CAPZA1: variants seen among roughly 807,000 people sequenced by gnomAD.
CAPZA1 encodes F-actin-capping protein subunit alpha-1.
In CAPZA1, 10 loss-of-function variants were observed where a neutral mutation model predicts 40.8. The observed-to-expected ratio is 0.25, with a 90% CI of 0.15 to 0.42. The LOEUF (loss-of-function observed/expected upper bound fraction) is 0.42, where lower values mean the gene tolerates loss of function less well. Among genes scored for constraint, CAPZA1 ranks in the 10% least tolerant of loss-of-function variants. The pLI is 1.00. For missense variants in CAPZA1, 277 were observed against 353.8 expected (o/e 0.78, Z 1.74); for synonymous variants, 98 against 115.0 (o/e 0.85, Z 0.95).
At chr1:112,663,716 G>T (rs1472806584) in intron 7 of CAPZA1, among the ~76,000 whole-genome samples, 2 of 151,642 alleles carry the variant, frequency 1.3e-5, no homozygotes, top group Non-Finnish European at 2.9e-5. Flanking sequence ...TGTTGGTCAG[G>T]CTGGTCTCGA....
At chr1:112,633,807 A>G (rs936500629) in intron 1 of CAPZA1, among the ~76,000 whole-genome samples, 2 of 151,974 alleles carry the variant, frequency 1.3e-5, no homozygotes, top group African/African-American at 4.8e-5. Context: ...GTGATATCTC[A>G]TTGTGGTTTT....
At chr1:112,655,556 T>G (rs1369653229) in intron 5 of CAPZA1, among the ~76,000 whole-genome samples, 1 of 151,958 alleles carries the variant, frequency 6.6e-6, no homozygotes, top group African/African-American at 2.4e-5. Context: ...TTTTTGCTGT[T>G]GTTGTTGTTG....
intron 7 of CAPZA1, among the ~76,000 whole-genome samples, chr1:112,660,026 T>C (rs1218414643): frequency 6.6e-6 from 1 of 151,830 alleles, no homozygotes; most frequent in Non-Finnish European, 1.5e-5. Flanking sequence ...ACATAAGATA[T>C]AACTAGGAAT....
intron 1 of CAPZA1, chr1:112,634,912 A>G (rs1670986654): frequency 6.6e-6 from 1 of 152,200 alleles, no homozygotes. Context: ...CCATTTTGCC[A>G]TAGTACCTCA....
At chr1:112,643,056 A>G (rs916720942) in intron 1 of CAPZA1, among the ~76,000 whole-genome samples, 2 of 151,932 alleles carry the variant, frequency 1.3e-5, no homozygotes, top group African/African-American at 4.8e-5. Context: ...GAAAGGGGAT[A>G]GACCATAGCT....
chr1:112,654,743 C>A, intron 5 of CAPZA1, 72 bp downstream of exon 5: 1 of 960,180 alleles, frequency 1.0e-6, no homozygotes, highest in Admixed American at 2.4e-5. Context: ...AGGCTTTGGC[C>A]TACCAAACAT....
intron 7 of CAPZA1, among the ~76,000 whole-genome samples, chr1:112,666,431 C>T (rs1354372926): frequency 2.0e-5 from 3 of 152,212 alleles, no homozygotes; most frequent in East Asian, 3.8e-4. Context: ...GTTGCCAAAA[C>T]TTAACCTAAA....
chr1:112,646,336 T>C (rs927020011), intron 1 of CAPZA1, among the ~76,000 whole-genome samples: 7 of 152,142 alleles, frequency 4.6e-5, no homozygotes, highest in African/African-American at 1.4e-4. Context: ...TCCCAACACT[T>C]TGGGAGGCCG....
chr1:112,665,158 T>C (rs186648927), intron 7 of CAPZA1, among the ~76,000 whole-genome samples: 1,682 of 146,578 alleles, frequency 0.011, 11 homozygotes, highest in Non-Finnish European at 0.018. Flanking sequence ...ACTAGATGTC[T>C]TTGTTTGGGG....
chr1:112,662,232 C>G (rs564040541), intron 7 of CAPZA1, among the ~76,000 whole-genome samples: 3 of 152,210 alleles, frequency 2.0e-5, no homozygotes, highest in African/African-American at 7.2e-5. Context: ...CCTCATCCTC[C>G]CAAGCACCTA....
chr1:112,669,713 GTTTTAC>G, intron 9 of CAPZA1, 108 bp downstream of exon 9: 1 of 877,470 alleles, frequency 1.1e-6, no homozygotes, highest in Non-Finnish European at 1.8e-6. Context: ...ATGCTCTTCA[GTTTTAC>G]TAAATGTGGG....
At chr1:112,652,210 G>T (rs997320773) in intron 3 of CAPZA1, among the ~76,000 whole-genome samples, 1 of 151,678 alleles carries the variant, frequency 6.6e-6, no homozygotes, top group Non-Finnish European at 1.5e-5. Flanking sequence ...GGCTGGGCAC[G>T]GTGGTTCATG....
intron 3 of CAPZA1, among the ~76,000 whole-genome samples, chr1:112,652,693 GA>G (rs575226421): frequency 3.6e-4 from 52 of 144,630 alleles, no homozygotes; most frequent in African/African-American, 7.8e-4. Flanking sequence ...CTGACATGGG[GA>G]AAAAAAAAAA....
In CAPZA1 at chr1:112,659,056, T is replaced by C. The variant is rs552715621; in HGVS notation, c.461T>C (p.Ile154Thr). The change falls in exon 6 of 10, where the codon ATT (isoleucine) becomes ACT (threonine). Residue 154 changes from isoleucine (I) to threonine (T), a missense_variant. Physicochemically the swap from Ile to Thr is moderately conservative, Grantham distance 89. Transcript: ENST00000263168. ...YAKTIDGQQT[I>T]IACIESHQFQ... ...AAAACTATCGATGGGCAACAGACTA[T>C]TATTGCATGTATTGAAAGCCACCAG... is the stretch of plus-strand genomic sequence containing the variant. The C allele has an allele frequency of 3.8e-5, 61 of 1,613,560 alleles. No individual in the cohort carries two copies. The East Asian group carries it at 1.2e-3, about 32-fold the overall frequency.
intron 1 of CAPZA1, among the ~76,000 whole-genome samples, chr1:112,635,651 G>A (rs1317897723): frequency 1.3e-5 from 2 of 151,718 alleles, no homozygotes; most frequent in South Asian, 2.1e-4. Flanking sequence ...TAGCCAGCTG[G>A]TCTTGAACTC....
chr1:112,649,363 C>T, intron 2 of CAPZA1, 55 bp from the exon 3 acceptor site: 1 of 1,348,870 alleles, frequency 7.4e-7, no homozygotes, highest in Non-Finnish European at 1.1e-6. Flanking sequence ...TAGAAATCTG[C>T]TAAAATTTCT....
intron 1 of CAPZA1, among the ~76,000 whole-genome samples, chr1:112,646,437 TGTG>T (rs1671282986): frequency 1.3e-5 from 2 of 151,964 alleles, no homozygotes; most frequent in South Asian, 4.2e-4. Flanking sequence ...CGAAGTTAGG[TGTG>T]GTGGCACATG....
At chr1:112,654,749 A>G (rs920886680) in intron 5 of CAPZA1, 78 bp downstream of exon 5, 20 of 908,162 alleles carry the variant, frequency 2.2e-5, no homozygotes, top group Middle Eastern at 2.4e-4. Flanking sequence ...TGGCCTACCA[A>G]ACATCCCTAC....
At chr1:112,662,669 AT>A (rs991657925) in intron 7 of CAPZA1, among the ~76,000 whole-genome samples, 1 of 152,068 alleles carries the variant, frequency 6.6e-6, no homozygotes, top group Non-Finnish European at 1.5e-5. Context: ...AAATGCTGGG[AT>A]TACAGGCGTG....
Sources: allele counts gnomAD v4.1 joint callset (sites outside exome capture counted in the v4.1 genomes callset), GRCh38; gene constraint gnomAD v4.1.1; transcripts MANE v1.5; gene names NCBI Gene and HGNC (gene_info 2026-07-23, HGNC 2026-07-21).